Variants in WDR59 observed in about 807,000 individuals in gnomAD.
WDR59 encodes the protein WD repeat domain 59.
In WDR59, 100 loss-of-function variants were observed where a neutral mutation model predicts 131.2. That is an observed-to-expected ratio of 0.76 (90% confidence interval 0.65 to 0.90). WDR59 has a LOEUF of 0.90. Among genes scored for constraint, WDR59 ranks in the 40% least tolerant of loss-of-function variants. WDR59 has a pLI of 0.00. For synonymous variants in WDR59, 601 were observed against 466.2 expected (o/e 1.29, Z -3.72); for missense variants, 1,203 against 1,262.2 (o/e 0.95, Z 0.71).
At chr16:74,941,621 G>A (rs886225739) in intron 7 of WDR59, among the ~76,000 whole-genome samples, 37 of 151,540 alleles carry the variant, frequency 2.4e-4, no homozygotes, top group Non-Finnish European at 5.9e-5. Flanking sequence ...TTGAACCTGG[G>A]AGGCGTAGGT....
At chr16:74,910,924 C>T (rs116524614) in intron 14 of WDR59, among the ~76,000 whole-genome samples, 2,395 of 152,262 alleles carry the variant, frequency 0.016, 60 homozygotes, top group South Asian at 0.05. Flanking sequence ...AGTGCAGCCA[C>T]GTGATCTTGG....
At position 74,964,138 on chromosome 16, in the gene WDR59, T is replaced by C. The variant is rs149039624; in HGVS notation, c.104+1635A>G. Among the ~76,000 whole-genome samples the C allele has an allele frequency of 5.7e-3, 861 of 152,218 alleles. 7 individuals carry two copies. Among genetic ancestry groups the C allele is most frequent in the Non-Finnish European group, 9.9e-3 (670 of 67,988 alleles). On this transcript the variant is annotated intron_variant, in intron 2 of 25. Coordinates refer to ENST00000262144, the MANE Select transcript of WDR59 (RefSeq NM_030581.4). ...GCTCACACCTGTAATCCCAGGACTT[T>C]GGGAGAATAAGCCGGGCAGATCACT...
At chr16:74,889,019 C>T (rs181949581) in intron 21 of WDR59, among the ~76,000 whole-genome samples, 48 of 152,310 alleles carry the variant, frequency 3.2e-4, no homozygotes, top group African/African-American at 1.1e-3. Flanking sequence ...TTGAGTCTTA[C>T]ACGAAATAAG....
intron 1 of WDR59, among the ~76,000 whole-genome samples, chr16:74,983,448 G>A (rs945084859): frequency 1.3e-5 from 2 of 152,082 alleles, no homozygotes; most frequent in African/African-American, 4.8e-5. Context: ...ACTACAGTCT[G>A]GGTCATAGAG....
At chr16:74,966,895 G>C (rs1272765662) in intron 1 of WDR59, among the ~76,000 whole-genome samples, 1 of 152,180 alleles carries the variant, frequency 6.6e-6, no homozygotes, top group African/African-American at 2.4e-5. Flanking sequence ...TGTGCATTCA[G>C]GCTGAGCACA....
intron 6 of WDR59, among the ~76,000 whole-genome samples, chr16:74,943,876 G>C (rs933780768): frequency 3.9e-5 from 6 of 152,216 alleles, no homozygotes; most frequent in African/African-American, 1.4e-4. Context: ...TGTTGGTTTT[G>C]ATGACACTAT....
intron 21 of WDR59, among the ~76,000 whole-genome samples, chr16:74,888,600 T>C (rs1033589434): frequency 6.6e-6 from 1 of 152,236 alleles, no homozygotes; most frequent in African/African-American, 2.4e-5. Flanking sequence ...GGCTTAAACA[T>C]GAATGTGGCT....
At chr16:74,900,654 C>T (rs1163110292) in intron 18 of WDR59, among the ~76,000 whole-genome samples, 1 of 152,102 alleles carries the variant, frequency 6.6e-6, no homozygotes, top group Non-Finnish European at 1.5e-5. Context: ...GCTTTTGAGG[C>T]GTCACACGTT....
intron 25 of WDR59, among the ~76,000 whole-genome samples, chr16:74,879,646 G>A (rs8062012): frequency 2.6e-5 from 4 of 151,776 alleles, no homozygotes; most frequent in African/African-American, 9.7e-5. Context: ...AGTTTAACAC[G>A]TTATATACAT....
At chr16:74,909,385 T>C in intron 16 of WDR59, 116 bp downstream of exon 16, 2 of 1,325,696 alleles carry the variant, frequency 1.5e-6, no homozygotes, top group Non-Finnish European at 2.0e-6. Flanking sequence ...GAAAGTCTCG[T>C]TTGAGTTCTC....
At chr16:74,975,152 G>C (rs1209065165) in intron 1 of WDR59, among the ~76,000 whole-genome samples, 1 of 152,196 alleles carries the variant, frequency 6.6e-6, no homozygotes, top group South Asian at 2.1e-4. Flanking sequence ...CCTGAGGTCA[G>C]GAGTTCAAGA....
intron 20 of WDR59, among the ~76,000 whole-genome samples, chr16:74,891,901 G>A (rs1043621440): frequency 6.6e-6 from 1 of 152,170 alleles, no homozygotes; most frequent in African/African-American, 2.4e-5. Flanking sequence ...TCTAGCCTGG[G>A]CGACAGAGTG....
rs201118431 is a variant in WDR59, at chr16:74,872,566, TA to T, written c.*1642del. ...CAGAGTGAGACCCTGTCTCTCTCTC[TA>T]AAAAAAAAAAAAAAAAATTTAACTT... On this transcript the variant is annotated 3_prime_UTR_variant, in exon 26 of 26. Coordinates refer to ENST00000262144, the MANE Select transcript of WDR59 (RefSeq NM_030581.4). 0.017 allele frequency: 2,051 copies of T among 122,496 alleles called. 10 individuals carry two copies. Among genetic ancestry groups the T allele is most frequent in the African/African-American group, 0.031 (1,014 of 32,886 alleles). 7.6% of individuals were successfully genotyped at this position (122,496 alleles called of 1,614,324 possible). A position where few individuals can be genotyped will look rare whatever the true frequency, so the allele number is the denominator to read the frequency against.
At chr16:74,916,078 G>T in intron 12 of WDR59, 49 bp downstream of exon 12, 1 of 1,613,892 alleles carries the variant, frequency 6.2e-7, no homozygotes. Context: ...CCACAACTCT[G>T]CAATGCGTAG....
At chr16:74,970,415 G>A (rs2145211981) in intron 1 of WDR59, among the ~76,000 whole-genome samples, 1 of 148,498 alleles carries the variant, frequency 6.7e-6, no homozygotes. Context: ...AGAATGGCAT[G>A]AACCCAGGAG....
chr16:74,900,397 ATC>A (rs1965497318), intron 18 of WDR59, among the ~76,000 whole-genome samples: 1 of 152,208 alleles, frequency 6.6e-6, no homozygotes, highest in Non-Finnish European at 1.5e-5. Flanking sequence ...CAATATGAGT[ATC>A]TGTTTACGGA....
chr16:74,913,985 T>A (rs1966236434), intron 13 of WDR59, among the ~76,000 whole-genome samples: 1 of 152,130 alleles, frequency 6.6e-6, no homozygotes, highest in Non-Finnish European at 1.5e-5. Flanking sequence ...GGTGGGCAGA[T>A]CAACTGACAT....
At chr16:74,911,865 G>A in intron 14 of WDR59, 1 of 460,040 alleles carries the variant, frequency 2.2e-6, no homozygotes, top group Non-Finnish European at 3.9e-6. Flanking sequence ...TAGTATTAAT[G>A]AGATCTGTGG....
chr16:74,892,487 G>C lies in WDR59; in HGVS notation c.2079C>G (p.Val693=), dbSNP rs1353310803. 3 of 1,613,506 alleles carry C rather than the reference G, an allele frequency of 1.9e-6. No individual in the cohort carries two copies. The highest frequency in any genetic ancestry group is 1.3e-5 in the African/African-American group (1 of 74,918). ...SALLVGRKDL[V]QVWSLATVAT... ...CACCAAAAGGGATGGACAATACCTG[G>C]ACAAGATCCTTTCTTCCAACGAGCA... The change falls in exon 20 of 26, where the codon GTC becomes GTG. Residue 693 remains valine, a synonymous_variant. Coordinates refer to ENST00000262144, the MANE Select transcript of WDR59 (RefSeq NM_030581.4).
Sources: allele counts gnomAD v4.1 joint callset (sites outside exome capture counted in the v4.1 genomes callset), GRCh38; gene constraint gnomAD v4.1.1; transcripts MANE v1.5; gene names NCBI Gene and HGNC (gene_info 2026-07-23, HGNC 2026-07-21).